Variants in GRIA3 observed in about 807,000 individuals in gnomAD.
GRIA3 encodes the protein glutamate ionotropic receptor AMPA type subunit 3.
GRIA3 carries 3 observed loss-of-function variants against 63.0 expected under a neutral mutation model. That is an observed-to-expected ratio of 0.05 (90% CI 0.02 to 0.12). GRIA3 has a LOEUF of 0.12. Ranked by LOEUF, GRIA3 falls within the 10% of genes least tolerant of loss-of-function variation. The probability of loss-of-function intolerance (pLI) is 1.00; values close to 1 mark genes in which losing one functional copy is unlikely to be tolerated. For missense variants in GRIA3, 347 were observed against 700.9 expected, an observed-to-expected ratio of 0.50 and a Z score of 5.70; for synonymous variants, 274 against 257.9, an observed-to-expected ratio of 1.06 and a Z score of -0.60.
chrX:123,286,915 GA>G (rs2044623764), intron 3 of GRIA3, among the ~76,000 whole-genome samples: 1 of 111,730 alleles, frequency 9.0e-6, no homozygotes, highest in African/African-American at 3.3e-5. Flanking sequence ...CTTATTTTAT[GA>G]GGCCAGCATC....
chrX:123,261,239 G>A (rs917410331), intron 3 of GRIA3, among the ~76,000 whole-genome samples: 13 of 111,320 alleles, frequency 1.2e-4, no homozygotes, highest in African/African-American at 3.6e-4. Context: ...TCTCTCGGTA[G>A]CTTAACATAT....
intron 10 of GRIA3, among the ~76,000 whole-genome samples, chrX:123,406,514 T>C (rs1354212901): frequency 9.0e-6 from 1 of 111,646 alleles, no homozygotes; most frequent in Non-Finnish European, 1.9e-5. Context: ...AACAGGCCTT[T>C]GGGAGGAACC....
intron 2 of GRIA3, among the ~76,000 whole-genome samples, chrX:123,213,724 C>T (rs1173255649): frequency 3.6e-5 from 4 of 112,059 alleles, no homozygotes; most frequent in Non-Finnish European, 7.5e-5. Flanking sequence ...TACAGCATTC[C>T]GATCACTTTT....
chrX:123,261,454 G>A (rs936819132), intron 3 of GRIA3, among the ~76,000 whole-genome samples: 2 of 111,803 alleles, frequency 1.8e-5, no homozygotes, highest in Non-Finnish European at 3.8e-5. Flanking sequence ...AGAAAATGAC[G>A]ATTAATTTTA....
chrX:123,448,717 A>G (rs1192666914), intron 12 of GRIA3, among the ~76,000 whole-genome samples: 1 of 112,461 alleles, frequency 8.9e-6, no homozygotes, highest in East Asian at 2.8e-4. Context: ...ATTGGAGAGC[A>G]GAGATATAGA....
chrX:123,433,053 T>A (rs186135854), intron 12 of GRIA3, among the ~76,000 whole-genome samples: 1 of 111,929 alleles, frequency 8.9e-6, no homozygotes, highest in East Asian at 2.8e-4. Context: ...ATCTCAAAAC[T>A]TTCTGATTTT....
At chrX:123,347,750 T>C (rs1016123721) in intron 4 of GRIA3, among the ~76,000 whole-genome samples, 3 of 112,568 alleles carry the variant, frequency 2.7e-5, no homozygotes, top group African/African-American at 9.7e-5. Context: ...ACCATCCGAC[T>C]TCGAGGTTTA....
chrX:123,473,304 T>C (rs1280009524), intron 13 of GRIA3, among the ~76,000 whole-genome samples: 1 of 112,730 alleles, frequency 8.9e-6, no homozygotes, highest in Non-Finnish European at 1.9e-5. Context: ...AGCTGCTATA[T>C]GGAGAGATAA....
intron 3 of GRIA3, among the ~76,000 whole-genome samples, chrX:123,319,267 T>C (rs745645286): frequency 6.2e-5 from 7 of 112,101 alleles, no homozygotes; most frequent in Admixed American, 1.9e-4. Context: ...CTATGCCATA[T>C]AGCCTAAGTG....
intron 3 of GRIA3, among the ~76,000 whole-genome samples, chrX:123,304,171 G>A (rs1206311254): frequency 2.7e-5 from 3 of 111,040 alleles, no homozygotes; most frequent in Non-Finnish European, 5.7e-5. Context: ...AAGAAAAGTG[G>A]GCTTACATAT....
intron 12 of GRIA3, among the ~76,000 whole-genome samples, chrX:123,447,327 A>T (rs1013614655): frequency 1.8e-5 from 2 of 112,032 alleles, no homozygotes; most frequent in African/African-American, 3.2e-5. Flanking sequence ...ATAATACATG[A>T]GATTTGGAAA....
chrX:123,484,180 G>A (rs1055995541), intron 15 of GRIA3, among the ~76,000 whole-genome samples: 2 of 111,994 alleles, frequency 1.8e-5, no homozygotes, highest in African/African-American at 3.2e-5. Context: ...TTGCCACCTT[G>A]ACTCTGGCAA....
chrX:123,219,036 T>C (rs1928230758), intron 2 of GRIA3, among the ~76,000 whole-genome samples: 1 of 111,770 alleles, frequency 8.9e-6, no homozygotes, highest in Admixed American at 9.5e-5. Context: ...TGTAACGGGG[T>C]GCTGCTTGAC....
At chrX:123,242,921 C>A (rs2044338317) in intron 2 of GRIA3, among the ~76,000 whole-genome samples, 1 of 112,195 alleles carries the variant, frequency 8.9e-6, no homozygotes, top group African/African-American at 3.2e-5. Flanking sequence ...TATCACTTAT[C>A]AATTGAGCAC....
At chrX:123,358,669 A>G (rs2045149084) in intron 5 of GRIA3, 1 of 111,615 alleles carries the variant, frequency 9.0e-6, no homozygotes, top group African/African-American at 3.3e-5. Flanking sequence ...ATTTTTTAGG[A>G]GTTGTTCTGT....
chrX:123,226,863 G>C (rs1365618029), intron 2 of GRIA3, among the ~76,000 whole-genome samples: 1 of 111,073 alleles, frequency 9.0e-6, no homozygotes, highest in Admixed American at 9.6e-5. Flanking sequence ...TGAAGCTTTG[G>C]GGCATGTTCA....
intron 2 of GRIA3, among the ~76,000 whole-genome samples, chrX:123,234,295 C>T (rs1422095581): frequency 9.0e-6 from 1 of 111,542 alleles, no homozygotes; most frequent in Non-Finnish European, 1.9e-5. Context: ...TGAATCCATC[C>T]CTTCCACACA....
chrX:123,442,329 G>A (rs908876009), intron 12 of GRIA3, among the ~76,000 whole-genome samples: 2 of 112,251 alleles, frequency 1.8e-5, no homozygotes, highest in Non-Finnish European at 3.8e-5. Flanking sequence ...AAGAAGATAT[G>A]TAGCAGCAGA....
rs1197177990 is a variant in GRIA3 at position 123,354,268 on chromosome X, T to A, written c.697-642T>A. Among the ~76,000 whole-genome samples, 5 of 111,329 alleles carry A rather than the reference T, an allele frequency of 4.5e-5. No individual in the cohort carries two copies. In the East Asian group the frequency reaches 1.4e-3, roughly 32 times the overall value. On this transcript the variant is annotated intron_variant, in intron 4 of 15. Coordinates refer to ENST00000620443, the MANE Select transcript of GRIA3 (RefSeq NM_007325.5). Reference sequence around the variant, plus strand: ...ATGCTAGTAGCACCCTTCCCAGTTGTGACAATCAAAAATGTCACCAGGCAT... The same window carrying A: ...ATGCTAGTAGCACCCTTCCCAGTTGAGACAATCAAAAATGTCACCAGGCAT...
Sources: allele counts gnomAD v4.1 joint callset (sites outside exome capture counted in the v4.1 genomes callset), GRCh38; gene constraint gnomAD v4.1.1; transcripts MANE v1.5; gene names NCBI Gene and HGNC (gene_info 2026-07-23, HGNC 2026-07-21).